ZNF385D: variants seen among roughly 807,000 people sequenced by gnomAD.
ZNF385D encodes zinc finger protein 385D, also known as zinc finger protein 659.
In ZNF385D, 15 loss-of-function variants were observed where a neutral mutation model predicts 35.8. The observed-to-expected ratio is 0.42, with a 90% CI of 0.28 to 0.64. The LOEUF is 0.64. ZNF385D is among the 30% of genes least tolerant of loss of function. The pLI is 0.23. For missense variants in ZNF385D, 474 were observed against 494.6 expected (o/e 0.96, Z 0.39); for synonymous variants, 212 against 186.8 (o/e 1.13, Z -1.10).
chr3:21,995,225 G>C (rs769488248), intron 3 of ZNF385D, among the ~76,000 whole-genome samples: 1 of 152,274 alleles, frequency 6.6e-6, no homozygotes, highest in Non-Finnish European at 1.5e-5. Flanking sequence ...ATGTGGTAGG[G>C]GCCAATGGTA....
intron 2 of ZNF385D, among the ~76,000 whole-genome samples, chr3:22,329,962 T>C (rs1271665369): frequency 6.6e-6 from 1 of 152,208 alleles, no homozygotes. Context: ...TCATGATTAG[T>C]AGCTGTCATA....
intron 3 of ZNF385D, among the ~76,000 whole-genome samples, chr3:21,557,189 T>C (rs1175513191): frequency 6.6e-6 from 1 of 152,216 alleles, no homozygotes; most frequent in Non-Finnish European, 1.5e-5. Context: ...TGGCCAGAAC[T>C]TCCGATGCTA....
Position 22,347,495 on chromosome 3 carries a change from G to A in ZNF385D, c.106+24955C>T, listed in dbSNP as rs189533824. On this transcript the variant is annotated intron_variant, in intron 2 of 5. Coordinates refer to the ZNF385D transcript ENST00000494108. ...GCTGACTCAATTTTAGAAAAGGCTAGCTAACATCAGAAAAACTGCACAGTT... is the reference window on the plus strand; with the variant it reads ...GCTGACTCAATTTTAGAAAAGGCTAACTAACATCAGAAAAACTGCACAGTT... Among the ~76,000 whole-genome samples, 279 of 152,238 alleles carry A rather than the reference G, an allele frequency of 1.8e-3. 4 individuals carry two copies. The South Asian group carries it at 0.026, about 14-fold the overall frequency.
rs1700502380 is a variant in ZNF385D at position 21,412,240 on chromosome 3, C to CT, written c.*8973dup. The CT allele has an allele frequency of 6.6e-6, 1 of 151,978 alleles. No homozygotes were observed. Among genetic ancestry groups the CT allele is most frequent in the Admixed American group, 6.6e-5 (1 of 15,246 alleles). The allele number at this position is 151,978 out of a possible 1,614,324, so 9.4% of individuals were successfully genotyped here. On this transcript the variant is annotated 3_prime_UTR_variant, in exon 8 of 8. Transcript: ENST00000281523. ...AACTGAATGAAAATAAGATATTTTA[C>CT]TTTTTTTCTTTAATCAGCACATTTC...
At chr3:22,274,784 CTTTT>C (rs59160644) in intron 2 of ZNF385D, among the ~76,000 whole-genome samples, 28 of 145,862 alleles carry the variant, frequency 1.9e-4, no homozygotes, top group African/African-American at 7.0e-4. Context: ...GAAGTTAGTA[CTTTT>C]TTTTTTTTTT....
intron 3 of ZNF385D, among the ~76,000 whole-genome samples, chr3:21,792,790 T>G (rs973998825): frequency 6.6e-6 from 1 of 152,220 alleles, no homozygotes; most frequent in African/African-American, 2.4e-5. Context: ...ATTAAAAGAA[T>G]AGCTTTCATC....
intron 3 of ZNF385D, among the ~76,000 whole-genome samples, chr3:21,996,084 T>A (rs902450616): frequency 6.6e-6 from 1 of 152,040 alleles, no homozygotes; most frequent in Non-Finnish European, 1.5e-5. Context: ...GGGTAGGATA[T>A]AATCTGGTGG....
chr3:22,143,216 G>GC (rs1263908338), intron 3 of ZNF385D, among the ~76,000 whole-genome samples: 1 of 151,792 alleles, frequency 6.6e-6, no homozygotes, highest in African/African-American at 2.4e-5. Context: ...CGGAGTAGCA[G>GC]CGACTACAGG....
chr3:21,946,433 TTAAAGA>T (rs1323946660), intron 3 of ZNF385D, among the ~76,000 whole-genome samples: 2 of 150,664 alleles, frequency 1.3e-5, no homozygotes, highest in Non-Finnish European at 2.9e-5. Context: ...TCATTAGATT[TTAAAGA>T]TAAAAAGTTT....
intron 4 of ZNF385D, among the ~76,000 whole-genome samples, chr3:21,483,733 C>G (rs1704814231): frequency 1.3e-5 from 2 of 152,138 alleles, no homozygotes; most frequent in African/African-American, 2.4e-5. Flanking sequence ...GACAAAATGT[C>G]TGCTCATGGC....
chr3:21,764,805 G>C (rs1410651812), intron 3 of ZNF385D, among the ~76,000 whole-genome samples: 2 of 152,102 alleles, frequency 1.3e-5, no homozygotes, highest in Admixed American at 6.6e-5. Flanking sequence ...ATGACACTTT[G>C]AGGAAAATAC....
chr3:22,335,191 G>A (rs555951984), intron 2 of ZNF385D, among the ~76,000 whole-genome samples: 21 of 152,202 alleles, frequency 1.4e-4, no homozygotes, highest in South Asian at 6.2e-4. Flanking sequence ...AGTTCGGCTG[G>A]CACTCACAGA....
intron 2 of ZNF385D, among the ~76,000 whole-genome samples, chr3:22,267,141 G>T (rs1700936395): frequency 6.6e-6 from 1 of 151,870 alleles, no homozygotes; most frequent in African/African-American, 2.4e-5. Flanking sequence ...TTTCATCAGG[G>T]AATAATCTGA....
At chr3:22,146,672 T>C (rs1383902634) in intron 3 of ZNF385D, among the ~76,000 whole-genome samples, 1 of 152,162 alleles carries the variant, frequency 6.6e-6, no homozygotes, top group Non-Finnish European at 1.5e-5. Context: ...ATAAACACAT[T>C]ATATAACACT....
intron 3 of ZNF385D, among the ~76,000 whole-genome samples, chr3:21,540,460 C>T (rs980230146): frequency 6.6e-6 from 1 of 152,100 alleles, no homozygotes; most frequent in African/African-American, 2.4e-5. Context: ...GAACTTCTAC[C>T]CAGCTGTAAT....
intron 2 of ZNF385D, among the ~76,000 whole-genome samples, chr3:21,573,236 A>C (rs2063386130): frequency 6.6e-6 from 1 of 152,238 alleles, no homozygotes. Flanking sequence ...TATGTAAAAG[A>C]TAAAATACCA....
chr3:21,829,157 C>T (rs1694834661), intron 3 of ZNF385D, among the ~76,000 whole-genome samples: 1 of 152,126 alleles, frequency 6.6e-6, no homozygotes, highest in Admixed American at 6.5e-5. Flanking sequence ...TTACCTTTTC[C>T]AGGGATGACA....
rs11920353 is a variant in ZNF385D at position 21,801,380 on chromosome 3, G to A, written c.326-136352C>T. Among the ~76,000 whole-genome samples, 475 of 152,268 alleles carry A rather than the reference G, an allele frequency of 3.1e-3. 4 individuals carry two copies. The highest frequency in any genetic ancestry group is 0.011 in the African/African-American group (443 of 41,574). ...TTAGCTCCTCTGCCATGTTTGAAGA[G>A]TTTTGGGAAGATAAGTGTTAATTAT... On this transcript the variant is annotated intron_variant, in intron 3 of 5. Transcript: ENST00000494108.
chr3:22,100,997 A>G (rs17647537), intron 3 of ZNF385D, among the ~76,000 whole-genome samples: 35,986 of 151,862 alleles, frequency 0.24, 4,660 homozygotes, highest in Non-Finnish European at 0.27. Context: ...AGTGCAATAC[A>G]TGCGCCTGTT....
Sources: gnomAD v4.1 joint callset for allele counts (sites outside exome capture counted in the v4.1 genomes callset) on GRCh38, gnomAD v4.1.1 for gene constraint, MANE v1.5 for transcripts, NCBI Gene and HGNC (gene_info 2026-07-23, HGNC 2026-07-21) for gene names.